The following ADCY9 variants were observed in gnomAD, a reference collection of about 807,000 sequenced individuals.
ADCY9 encodes the protein adenylate cyclase type 9.
A neutral mutation model predicts 101.5 loss-of-function variants in ADCY9; 50 were observed. The ratio of observed to expected loss-of-function variants is 0.49; its 90% CI spans 0.39 to 0.62. The LOEUF is 0.62. Among genes scored for constraint, ADCY9 ranks in the 20% least tolerant of loss-of-function variants. The pLI is 0.00. For synonymous variants in ADCY9, 905 were observed against 769.3 expected, an observed-to-expected ratio of 1.18 and a Z score of -2.92; for missense variants, 1,662 against 1,800.4, an observed-to-expected ratio of 0.92 and a Z score of 1.39.
At chr16:4,088,960 A>G (rs552640396) in intron 2 of ADCY9, among the ~76,000 whole-genome samples, 3 of 152,020 alleles carry the variant, frequency 2.0e-5, no homozygotes, top group South Asian at 2.1e-4. Context: ...ATCCATACCC[A>G]TCGGCGGTCA....
chr16:4,042,499 A>C (rs1309281402), intron 2 of ADCY9, among the ~76,000 whole-genome samples: 1 of 152,238 alleles, frequency 6.6e-6, no homozygotes, highest in Non-Finnish European at 1.5e-5. Flanking sequence ...CAGTTTTTAC[A>C]CCATGACCTT....
Position 3,997,409 on chromosome 16 carries a change from G to C in ADCY9, c.1885-3899C>G, listed in dbSNP as rs962382347. Reference sequence around the variant, plus strand: ...ACTGGGATGAGGCTGAGCTCTGGGGGCCTGGGGCAGTGGTCTCCACAGGTG... The same window carrying C: ...ACTGGGATGAGGCTGAGCTCTGGGGCCCTGGGGCAGTGGTCTCCACAGGTG... On this transcript the variant is annotated intron_variant, in intron 3 of 10. Coordinates refer to ENST00000294016, the MANE Select transcript of ADCY9 (RefSeq NM_001116.4). Among the ~76,000 whole-genome samples the C allele has an allele frequency of 2.1e-4, 32 of 152,370 alleles. No homozygotes were observed. In the East Asian group the frequency reaches 6.0e-3, roughly 28 times the overall value.
chr16:4,077,864 G>A (rs751524124), intron 2 of ADCY9, among the ~76,000 whole-genome samples: 3 of 151,446 alleles, frequency 2.0e-5, no homozygotes, highest in Non-Finnish European at 2.9e-5. Context: ...TTAGCCAGGC[G>A]TGGTGGTGCA....
intron 2 of ADCY9, among the ~76,000 whole-genome samples, chr16:4,031,672 C>A (rs2056556163): frequency 6.6e-6 from 1 of 150,882 alleles, no homozygotes; most frequent in African/African-American, 2.4e-5. Flanking sequence ...TTGTTTGAGC[C>A]CAGGAGTTTG....
At chr16:3,953,741 GT>G (rs569727913) in intron 5 of ADCY9, among the ~76,000 whole-genome samples, 4 of 152,214 alleles carry the variant, frequency 2.6e-5, no homozygotes, top group Non-Finnish European at 5.9e-5. Flanking sequence ...AAAAACGCCG[GT>G]TTTGGGATAC....
intron 2 of ADCY9, among the ~76,000 whole-genome samples, chr16:4,093,286 A>C (rs1386964794): frequency 1.3e-5 from 2 of 152,226 alleles, no homozygotes; most frequent in African/African-American, 4.8e-5. Context: ...TTCATATTCA[A>C]CCATTTGCTG....
At position 4,114,210 on chromosome 16, in the gene ADCY9, A is replaced by T; in HGVS notation, c.1233T>A (p.Ser411=). 1.2e-6 allele frequency: 2 copies of T among 1,613,988 alleles called. No individual in the cohort carries two copies. The highest frequency in any genetic ancestry group is 1.7e-6 in the Non-Finnish European group (2 of 1,180,038). Reference sequence around the variant, plus strand: ...TCAGGAGACCCACCAGGGCGTGGGCAGACTTGTTGGCACTCATCTTGGTGA... The same window carrying T: ...TCAGGAGACCCACCAGGGCGTGGGCTGACTTGTTGGCACTCATCTTGGTGA... ...VGFTKMSANK[S]AHALVGLLND... The change falls in exon 2 of 11, where the codon TCT becomes TCA. Residue 411 remains serine, a synonymous_variant. Coordinates refer to ENST00000294016, the MANE Select transcript of ADCY9 (RefSeq NM_001116.4). The surrounding 1 kb of genome is among the most constrained non-coding windows in gnomAD (Gnocchi z 4.3).
Position 3,966,414 on chromosome 16 carries a change from G to A in ADCY9, c.3423C>T (p.Phe1141=), listed in dbSNP as rs773926075. 13 of 1,614,008 alleles carry A rather than the reference G, an allele frequency of 8.1e-6. No homozygotes were observed. The highest frequency in any genetic ancestry group is 1.6e-4 in the Middle Eastern group (1 of 6,084). Residue 1141 remains phenylalanine (F), a synonymous_variant, in exon 11 of 11, where the codon TTC becomes TTT. Coordinates refer to ENST00000294016, the MANE Select transcript of ADCY9 (RefSeq NM_001116.4). Reference sequence around the variant, plus strand: ...CCACCACGCGCATCATCTCCTTGGCGAACTCGAACAGGATCTGCAGGTGCT... The same window carrying A: ...CCACCACGCGCATCATCTCCTTGGCAAACTCGAACAGGATCTGCAGGTGCT... ...PQEHLQILFE[F]AKEMMRVVDD... is the part of the protein sequence containing the mutation.
chr16:4,026,060 A>AAATG (rs1409458624), intron 2 of ADCY9, among the ~76,000 whole-genome samples: 1 of 152,212 alleles, frequency 6.6e-6, no homozygotes, highest in African/African-American at 2.4e-5. Context: ...GTGAATATAG[A>AAATG]AATGAATGAA....
rs1456924971 is a variant in ADCY9 at position 3,992,236 on chromosome 16, C to T, written c.2117G>A (p.Ser706Asn). Residue 706 changes from serine to asparagine, a missense_variant, in exon 5 of 11, where the codon AGC becomes AAC. By Grantham distance (46) the Ser-to-Asn change is conservative (BLOSUM62 1). Coordinates refer to ENST00000294016, the MANE Select transcript of ADCY9 (RefSeq NM_001116.4). The surrounding 1 kb of genome is among the most constrained non-coding windows in gnomAD (Gnocchi z 4.2). ...CGGAAGGAGAGCCGACTGGTCCAGG[C>T]TCACCCCTGCCCACCTTCCCTTCTC... Reference protein sequence around the residue: ...LQEKGRWAGVSLDQSALLPLR... With the variant: ...LQEKGRWAGVNLDQSALLPLR... 1 of 1,614,228 alleles carries T rather than the reference C, an allele frequency of 6.2e-7. No individual in the cohort carries two copies. Among genetic ancestry groups the T allele is most frequent in the Non-Finnish European group, 8.5e-7 (1 of 1,180,036 alleles).
rs146633008 is a variant in ADCY9, at chr16:3,965,940, C to A, written c.3897G>T (p.Thr1299=). The A allele has an allele frequency of 6.2e-7, 1 of 1,614,182 alleles. No homozygotes were observed. Among genetic ancestry groups the A allele is most frequent in the Admixed American group, 1.7e-5 (1 of 60,024 alleles). Residue 1299 remains threonine, a synonymous_variant, in exon 11 of 11, where the codon ACG becomes ACT. Transcript: ENST00000294016. ...GGGACAGGTGGGCATCCTTGGCCTGCGTGCTGCTGTCAGAACCCAGAGATG... is the reference window on the plus strand; with the variant it reads ...GGGACAGGTGGGCATCCTTGGCCTGAGTGCTGCTGTCAGAACCCAGAGATG... ...DKTSLGSDSS[T]QAKDAHLSPK... is the part of the protein sequence containing the mutation.
intron 2 of ADCY9, among the ~76,000 whole-genome samples, chr16:4,041,945 A>G (rs1262830537): frequency 3.0e-5 from 3 of 100,876 alleles, no homozygotes; most frequent in Admixed American, 2.6e-4. Flanking sequence ...TTTTTTTGAG[A>G]CGGAGTCTTG....
intron 2 of ADCY9, among the ~76,000 whole-genome samples, chr16:4,053,469 GC>G (rs1433695056): frequency 6.6e-6 from 1 of 151,890 alleles, no homozygotes. Context: ...CAGAGCACTT[GC>G]CCTTCCTCTG....
intron 2 of ADCY9, among the ~76,000 whole-genome samples, chr16:4,102,421 C>CTTTG (rs757283718): frequency 5.0e-4 from 76 of 152,166 alleles, no homozygotes; most frequent in Non-Finnish European, 7.5e-4. Context: ...ATGGTTGTTT[C>CTTTG]TTTGTTTGTT....
At position 4,071,497 on chromosome 16, in the gene ADCY9, T is replaced by G. The variant is rs537220412; in HGVS notation, c.1693+42253A>C. Reference sequence around the variant, plus strand: ...TGGTGGATCACAATTCTTGCTACATTTGATGCAAATCTTCAGGCCAAGTAT... The same window carrying G: ...TGGTGGATCACAATTCTTGCTACATGTGATGCAAATCTTCAGGCCAAGTAT... On this transcript the variant is annotated intron_variant, in intron 2 of 10. Coordinates refer to ENST00000294016, the MANE Select transcript of ADCY9 (RefSeq NM_001116.4). Among the ~76,000 whole-genome samples the G allele has an allele frequency of 1.3e-3, 199 of 152,216 alleles. 1 individual carries two copies. Among genetic ancestry groups the G allele is most frequent in the African/African-American group, 4.7e-3 (194 of 41,532 alleles).
intron 2 of ADCY9, among the ~76,000 whole-genome samples, chr16:4,040,669 C>G (rs1193435505): frequency 2.0e-5 from 3 of 152,122 alleles, no homozygotes; most frequent in Non-Finnish European, 4.4e-5. Flanking sequence ...GTTGGCCAGA[C>G]TGGTCTCGAA....
chr16:4,007,769 C>T (rs924167899), intron 2 of ADCY9, among the ~76,000 whole-genome samples: 1 of 152,024 alleles, frequency 6.6e-6, no homozygotes, highest in African/African-American at 2.4e-5. Context: ...CACCACTCAC[C>T]CACGTTACGT....
At chr16:3,981,045 C>T (rs2056138153) in intron 7 of ADCY9, among the ~76,000 whole-genome samples, 2 of 152,182 alleles carry the variant, frequency 1.3e-5, no homozygotes, top group South Asian at 2.1e-4. Context: ...CGCAGGTTCC[C>T]GTCAACCTGG....
chr16:4,007,764 C>G (rs114096429), intron 2 of ADCY9, among the ~76,000 whole-genome samples: 8,204 of 152,092 alleles, frequency 0.054, 388 homozygotes, highest in African/African-American at 0.13. Context: ...AGACACACCA[C>G]TCACCCACGT....
Sources: gnomAD v4.1 joint callset for allele counts (sites outside exome capture counted in the v4.1 genomes callset) on GRCh38, gnomAD v4.1.1 for gene constraint, Gnocchi (gnomAD v3.1) non-coding constraint, MANE v1.5 for transcripts, NCBI Gene and HGNC (gene_info 2026-07-23, HGNC 2026-07-21) for gene names.